The following KCNIP4 variants were observed in gnomAD, a reference collection of about 807,000 sequenced individuals.
KCNIP4 encodes potassium voltage-gated channel interacting protein 4, also known as Kv channel-interacting protein 4.
A neutral mutation model predicts 34.0 loss-of-function variants in KCNIP4; 12 were observed. The ratio of observed to expected loss-of-function variants is 0.35; its 90% CI spans 0.23 to 0.57. The LOEUF is 0.57. KCNIP4 is among the 20% of genes least tolerant of loss of function. The pLI is 0.83. For missense variants in KCNIP4, 238 were observed against 311.7 expected (o/e 0.76, Z 1.78); for synonymous variants, 124 against 102.2 (o/e 1.21, Z -1.29).
intron 1 of KCNIP4, among the ~76,000 whole-genome samples, chr4:21,443,543 C>T (rs1727673489): frequency 6.6e-6 from 1 of 152,090 alleles, no homozygotes; most frequent in South Asian, 2.1e-4. Flanking sequence ...CAATTGAATG[C>T]CTTAAGAGCA....
At chr4:21,036,904 C>A (rs1741499182) in intron 1 of KCNIP4, among the ~76,000 whole-genome samples, 1 of 152,172 alleles carries the variant, frequency 6.6e-6, no homozygotes. Flanking sequence ...ACATTGTAGA[C>A]CTTTCTGTGG....
chr4:20,895,425 A>G (rs1336332015), intron 1 of KCNIP4, among the ~76,000 whole-genome samples: 1 of 152,146 alleles, frequency 6.6e-6, no homozygotes, highest in Non-Finnish European at 1.5e-5. Flanking sequence ...CATCTGAAAA[A>G]TGGGGCTAAT....
At chr4:20,943,322 C>G (rs1560588777) in intron 1 of KCNIP4, among the ~76,000 whole-genome samples, 1 of 152,106 alleles carries the variant, frequency 6.6e-6, no homozygotes, top group Non-Finnish European at 1.5e-5. Context: ...TGCATGCCAA[C>G]CAGTTTATAG....
intron 1 of KCNIP4, among the ~76,000 whole-genome samples, chr4:21,866,298 T>C (rs1026302367): frequency 1.1e-4 from 16 of 152,330 alleles, no homozygotes; most frequent in African/African-American, 3.8e-4. Flanking sequence ...ATTTGTTATG[T>C]AAAATTGCCT....
chr4:21,155,392 T>G (rs1278483930), intron 1 of KCNIP4, among the ~76,000 whole-genome samples: 1 of 152,056 alleles, frequency 6.6e-6, no homozygotes, highest in African/African-American at 2.4e-5. Context: ...AGCATGTAAA[T>G]AGGAGAAAAT....
chr4:21,930,586 C>T (rs1483833250), intron 1 of KCNIP4, among the ~76,000 whole-genome samples: 2 of 152,092 alleles, frequency 1.3e-5, no homozygotes, highest in African/African-American at 4.8e-5. Flanking sequence ...GCCACATGGA[C>T]CTCTCACCAT....
At chr4:21,885,856 T>C (rs1317358631) in intron 1 of KCNIP4, among the ~76,000 whole-genome samples, 1 of 152,176 alleles carries the variant, frequency 6.6e-6, no homozygotes. Context: ...TGCTTCTTTG[T>C]CCTGATTGCC....
intron 1 of KCNIP4, among the ~76,000 whole-genome samples, chr4:21,159,621 C>T (rs1418959734): frequency 3.2e-5 from 1 of 31,286 alleles, no homozygotes; most frequent in Admixed American, 2.7e-4. Context: ...GTTCCCTTTC[C>T]GAGTCAAAGA....
chr4:21,857,156 C>T (rs1724811739), intron 1 of KCNIP4, among the ~76,000 whole-genome samples: 1 of 152,230 alleles, frequency 6.6e-6, no homozygotes, highest in Non-Finnish European at 1.5e-5. Flanking sequence ...TTTTCTGGGC[C>T]TACCCATGGC....
At chr4:21,771,510 T>C (rs1356308746) in intron 1 of KCNIP4, among the ~76,000 whole-genome samples, 1 of 152,200 alleles carries the variant, frequency 6.6e-6, no homozygotes, top group Non-Finnish European at 1.5e-5. Context: ...GGGAATAGCA[T>C]TGAATCTATA....
intron 3 of KCNIP4, among the ~76,000 whole-genome samples, chr4:20,809,629 T>C (rs143178723): frequency 1.2e-3 from 180 of 152,354 alleles, no homozygotes; most frequent in African/African-American, 4.0e-3. Flanking sequence ...GTTATCAGGA[T>C]GAATGTCAAT....
In KCNIP4 at chr4:20,866,591, T is replaced by C. The variant is rs185726838; in HGVS notation, c.164-15924A>G. Among the ~76,000 whole-genome samples, 594 of 152,128 alleles carry C rather than the reference T, an allele frequency of 3.9e-3. 2 individuals carry two copies. The highest frequency in any genetic ancestry group is 0.014 in the African/African-American group (575 of 41,546). Reference sequence around the variant, plus strand: ...AAGCTCCAACCATTCTTCTTGAGAATTGGAACATGACAAAGATGCTCACTC... The same window carrying C: ...AAGCTCCAACCATTCTTCTTGAGAACTGGAACATGACAAAGATGCTCACTC... On this transcript the variant is annotated intron_variant, in intron 2 of 8. Transcript: ENST00000382152.
At chr4:21,826,561 A>T (rs1280166719) in intron 1 of KCNIP4, among the ~76,000 whole-genome samples, 1 of 152,142 alleles carries the variant, frequency 6.6e-6, no homozygotes, top group Admixed American at 6.6e-5. Flanking sequence ...TATAAGACTT[A>T]ATCAAAAATT....
At chr4:21,764,504 G>T (rs1396651214) in intron 1 of KCNIP4, among the ~76,000 whole-genome samples, 4 of 152,090 alleles carry the variant, frequency 2.6e-5, no homozygotes. Flanking sequence ...ATGAAACAAG[G>T]TGTGTCATAT....
At chr4:21,543,759 T>C (rs1737896387) in intron 1 of KCNIP4, among the ~76,000 whole-genome samples, 2 of 152,158 alleles carry the variant, frequency 1.3e-5, no homozygotes, top group South Asian at 4.1e-4. Context: ...TCTTGTAAAA[T>C]GTTGCAAATG....
chr4:21,340,717 C>A (rs147141659), intron 1 of KCNIP4, among the ~76,000 whole-genome samples: 3 of 151,892 alleles, frequency 2.0e-5, no homozygotes, highest in Non-Finnish European at 4.4e-5. Flanking sequence ...AGAACACAAA[C>A]TTCTCAGATA....
At chr4:21,646,618 A>T (rs1165541686) in intron 1 of KCNIP4, among the ~76,000 whole-genome samples, 1 of 152,208 alleles carries the variant, frequency 6.6e-6, no homozygotes, top group Non-Finnish European at 1.5e-5. Context: ...TTTTCAATTT[A>T]ACAGCCATGC....
chr4:21,405,634 C>T (rs1014122061), intron 1 of KCNIP4, among the ~76,000 whole-genome samples: 19 of 152,202 alleles, frequency 1.2e-4, no homozygotes, highest in African/African-American at 4.6e-4. Flanking sequence ...ATCTTTTAAA[C>T]ACCCAGGATC....
intron 3 of KCNIP4, among the ~76,000 whole-genome samples, chr4:20,792,299 G>A (rs938178377): frequency 6.6e-5 from 10 of 151,946 alleles, no homozygotes; most frequent in East Asian, 1.9e-4. Context: ...GCTTGAACCC[G>A]GGGGCAGAGG....
Sources: allele counts gnomAD v4.1 joint callset (sites outside exome capture counted in the v4.1 genomes callset), GRCh38; gene constraint gnomAD v4.1.1; transcripts MANE v1.5; gene names NCBI Gene and HGNC (gene_info 2026-07-23, HGNC 2026-07-21).